The following RBFOX1 variants were observed in gnomAD, a reference collection of about 807,000 sequenced individuals.
The protein encoded by RBFOX1 is RNA binding fox-1 homolog 1.
Under a neutral mutation model 57.7 loss-of-function variants are expected in RBFOX1, and 8 were observed. The ratio of observed to expected loss-of-function variants is 0.14; its 90% CI spans 0.08 to 0.25. The LOEUF (loss-of-function observed/expected upper bound fraction) is 0.25, where lower values mean the gene tolerates loss of function less well. Ranked by LOEUF, RBFOX1 falls within the 10% of genes least tolerant of loss-of-function variation. The probability of loss-of-function intolerance (pLI) is 1.00; values close to 1 mark genes in which losing one functional copy is unlikely to be tolerated. For missense variants in RBFOX1, 611 were observed against 548.5 expected (o/e 1.11, Z -1.14); for synonymous variants, 326 against 222.4 (o/e 1.47, Z -4.15).
intron 3 of RBFOX1, among the ~76,000 whole-genome samples, chr16:6,940,471 A>C (rs953068545): frequency 1.3e-5 from 2 of 152,222 alleles, no homozygotes; most frequent in Non-Finnish European, 2.9e-5. Flanking sequence ...GAGTGATGAC[A>C]ATGATAATTT....
intron 1 of RBFOX1, among the ~76,000 whole-genome samples, chr16:6,189,305 G>A (rs548296894): frequency 1.6e-4 from 24 of 152,212 alleles, no homozygotes; most frequent in Non-Finnish European, 2.9e-4. Context: ...CCTGGAGTCC[G>A]CATCAGGACA....
chr16:7,695,811 C>G (rs1420056556), intron 14 of RBFOX1, among the ~76,000 whole-genome samples: 1 of 152,010 alleles, frequency 6.6e-6, no homozygotes, highest in Non-Finnish European at 1.5e-5. Flanking sequence ...GACAAGTTCT[C>G]TATTTTTAAA....
chr16:6,941,552 C>G (rs148042201), intron 3 of RBFOX1, among the ~76,000 whole-genome samples: 106 of 152,014 alleles, frequency 7.0e-4, no homozygotes, highest in African/African-American at 2.5e-3. Flanking sequence ...TCACACCTGT[C>G]CACCAAGAGA....
At chr16:5,970,833 G>C (rs1279941438) in intron 4 of RBFOX1, among the ~76,000 whole-genome samples, 1 of 152,180 alleles carries the variant, frequency 6.6e-6, no homozygotes, top group Non-Finnish European at 1.5e-5. Context: ...TATGCACATT[G>C]CAAGATACTC....
intron 11 of RBFOX1, among the ~76,000 whole-genome samples, chr16:7,639,773 CT>C (rs1163483481): frequency 3.3e-5 from 5 of 152,128 alleles, no homozygotes; most frequent in African/African-American, 1.2e-4. Flanking sequence ...GACAGGTGCC[CT>C]TTGCTACTGA....
At chr16:5,768,196 T>C (rs2053853173) in intron 3 of RBFOX1, among the ~76,000 whole-genome samples, 1 of 152,186 alleles carries the variant, frequency 6.6e-6, no homozygotes, top group African/African-American at 2.4e-5. Flanking sequence ...CCTCCATGCC[T>C]AGTTTTTGGA....
intron 4 of RBFOX1, among the ~76,000 whole-genome samples, chr16:7,059,091 T>G (rs997409809): frequency 3.3e-5 from 5 of 152,352 alleles, no homozygotes; most frequent in African/African-American, 1.2e-4. Context: ...AAATTGCTAA[T>G]GATCTTCTTG....
intron 4 of RBFOX1, among the ~76,000 whole-genome samples, chr16:7,068,282 T>G (rs2056583145): frequency 6.6e-6 from 1 of 152,164 alleles, no homozygotes; most frequent in African/African-American, 2.4e-5. Context: ...GTATCCCCAC[T>G]CTAAGTAGAC....
chr16:6,435,042 C>T (rs2153013233), intron 2 of RBFOX1, among the ~76,000 whole-genome samples: 1 of 152,302 alleles, frequency 6.6e-6, no homozygotes, highest in East Asian at 1.9e-4. Context: ...AGCTCCAGCC[C>T]ACATTCCTCA....
intron 2 of RBFOX1, among the ~76,000 whole-genome samples, chr16:6,530,229 G>C (rs1599001195): frequency 1.3e-5 from 2 of 152,082 alleles, no homozygotes; most frequent in Non-Finnish European, 1.5e-5. Flanking sequence ...ATCTGATGGA[G>C]TTTGGGGGCA....
At chr16:6,140,823 A>T (rs1203313504) in intron 1 of RBFOX1, among the ~76,000 whole-genome samples, 2 of 152,154 alleles carry the variant, frequency 1.3e-5, no homozygotes, top group Non-Finnish European at 1.5e-5. Flanking sequence ...CTTCTGAAAA[A>T]AGAGCAATCT....
intron 2 of RBFOX1, among the ~76,000 whole-genome samples, chr16:5,573,101 G>C (rs1405258116): frequency 1.3e-5 from 2 of 152,204 alleles, no homozygotes; most frequent in Non-Finnish European, 2.9e-5. Context: ...CGGATGGTGG[G>C]ATGGAGATGA....
In RBFOX1 at chr16:5,902,705, C is replaced by T. The variant is rs369757644; in HGVS notation, c.351+35370C>T. Among the ~76,000 whole-genome samples, 10 of 152,232 alleles carry T rather than the reference C, an allele frequency of 6.6e-5. No homozygotes were observed. In the South Asian group the frequency reaches 1.5e-3, roughly 22 times the overall value. On this transcript the variant is annotated intron_variant, in intron 4 of 19. Transcript: ENST00000641259. ...TCCTGGGATTACAAGCATGAGCCACCGTGCCCGGCCTTATTTAATCATAGA... is the reference window on the plus strand; with the variant it reads ...TCCTGGGATTACAAGCATGAGCCACTGTGCCCGGCCTTATTTAATCATAGA...
At chr16:7,378,182 A>G (rs753975424) in intron 4 of RBFOX1, among the ~76,000 whole-genome samples, 12 of 152,292 alleles carry the variant, frequency 7.9e-5, no homozygotes, top group Non-Finnish European at 1.0e-4. Context: ...ATCGTTGCTG[A>G]GCCGGAAGTT....
chr16:5,524,303 CTT>C (rs2044145218), intron 2 of RBFOX1, among the ~76,000 whole-genome samples: 1 of 152,252 alleles, frequency 6.6e-6, no homozygotes, highest in Admixed American at 6.5e-5. Flanking sequence ...TGCTCTGAAA[CTT>C]CTCCCCATCC....
chr16:5,414,323 T>A (rs2067102394), intron 1 of RBFOX1, among the ~76,000 whole-genome samples: 1 of 152,156 alleles, frequency 6.6e-6, no homozygotes, highest in Non-Finnish European at 1.5e-5. Flanking sequence ...GGGTCCAGAT[T>A]CAGTGTTTGT....
intron 4 of RBFOX1, among the ~76,000 whole-genome samples, chr16:5,923,797 TC>T (rs1293623349): frequency 2.0e-5 from 3 of 151,984 alleles, no homozygotes; most frequent in Non-Finnish European, 4.4e-5. Context: ...TACCTCAGCC[TC>T]CCAAAGTGCT....
intron 3 of RBFOX1, among the ~76,000 whole-genome samples, chr16:6,950,554 TG>T (rs2080508725): frequency 6.6e-6 from 1 of 152,154 alleles, no homozygotes; most frequent in Non-Finnish European, 1.5e-5. Context: ...GGCTTAGAAA[TG>T]AATGTGTGTT....
Position 6,043,578 on chromosome 16 carries a change from GGT to G in RBFOX1, c.-127+23591_-127+23592del, listed in dbSNP as rs138803692. Reference sequence around the variant, plus strand: ...CTCAAAAAGGGAAAGGGCATAAGGAGGTGTGTCTGACCTCCCTTTTGGCGATG... The same window carrying G: ...CTCAAAAAGGGAAAGGGCATAAGGAGGTGTCTGACCTCCCTTTTGGCGATG... On this transcript the variant is annotated intron_variant, in intron 1 of 15. Coordinates refer to ENST00000550418, the MANE Select transcript of RBFOX1 (RefSeq NM_018723.4). 3.3e-3 allele frequency among the ~76,000 whole-genome samples: 502 copies of G among 152,280 alleles called. 3 individuals carry two copies. Among genetic ancestry groups the G allele is most frequent in the African/African-American group, 0.012 (483 of 41,544 alleles).
Sources: allele counts gnomAD v4.1 joint callset (sites outside exome capture counted in the v4.1 genomes callset), GRCh38; gene constraint gnomAD v4.1.1; transcripts MANE v1.5; gene names NCBI Gene and HGNC (gene_info 2026-07-23, HGNC 2026-07-21).